Variants in BBS9 observed in about 807,000 individuals in gnomAD.
BBS9 encodes Bardet-Biedl syndrome 9.
Under a neutral mutation model 117.7 loss-of-function variants are expected in BBS9, and 89 were observed. The ratio of observed to expected loss-of-function variants is 0.76; its 90% CI spans 0.64 to 0.90. BBS9 has a LOEUF of 0.90. Ranked by LOEUF, BBS9 falls within the 40% of genes least tolerant of loss-of-function variation. BBS9 has a pLI of 0.00. For missense variants in BBS9, 982 were observed against 1,042.2 expected (o/e 0.94, Z 0.80); for synonymous variants, 379 against 370.9 (o/e 1.02, Z -0.25).
chr7:33,342,085 C>T (rs1816687468), intron 11 of BBS9, among the ~76,000 whole-genome samples: 1 of 152,012 alleles, frequency 6.6e-6, no homozygotes, highest in African/African-American at 2.4e-5. Context: ...ATTTAGGTAT[C>T]AGAACATACT....
intron 21 of BBS9, among the ~76,000 whole-genome samples, chr7:33,545,290 C>T (rs1302220675): frequency 1.3e-5 from 2 of 152,128 alleles, no homozygotes; most frequent in African/African-American, 2.4e-5. Flanking sequence ...TGGAGTTTTA[C>T]CCCCTGTTCC....
chr7:33,617,765 A>G (rs1865213261), intron 21 of BBS9, among the ~76,000 whole-genome samples: 1 of 152,228 alleles, frequency 6.6e-6, no homozygotes, highest in Admixed American at 6.6e-5. Context: ...GAAAACTTCA[A>G]GAGTGCTCCA....
At chr7:33,231,891 A>G (rs1374795884) in intron 5 of BBS9, among the ~76,000 whole-genome samples, 1 of 152,060 alleles carries the variant, frequency 6.6e-6, no homozygotes, top group Non-Finnish European at 1.5e-5. Context: ...ATTATGGGAT[A>G]AATAGAAGCA....
intron 21 of BBS9, among the ~76,000 whole-genome samples, chr7:33,601,006 A>C (rs1464532438): frequency 2.0e-5 from 3 of 152,188 alleles, no homozygotes; most frequent in Admixed American, 6.5e-5. Context: ...AGGAGGCACA[A>C]AATGATCTGG....
intron 20 of BBS9, among the ~76,000 whole-genome samples, chr7:33,526,154 C>T (rs1283569613): frequency 2.6e-5 from 4 of 151,578 alleles, no homozygotes; most frequent in East Asian, 1.9e-4. Context: ...GAGGGTAACC[C>T]GACCTTTCTC....
rs574056469 is a variant in BBS9, at chr7:33,343,969, C to T, written c.1276-612C>T. On this transcript the variant is annotated intron_variant, in intron 11 of 22. Transcript: ENST00000242067. ...ACATACAGGGAGGTCTTCTTCTATG[C>T]AATATAAATAACAAGTTAATAGAAT... Among the ~76,000 whole-genome samples, 4 of 151,140 alleles carry T rather than the reference C, an allele frequency of 2.6e-5. No homozygotes were observed. The South Asian group carries it at 6.2e-4, about 24-fold the overall frequency.
intron 2 of BBS9, among the ~76,000 whole-genome samples, chr7:33,152,267 A>G (rs776010155): frequency 1.3e-5 from 2 of 152,038 alleles, no homozygotes; most frequent in Non-Finnish European, 2.9e-5. Flanking sequence ...AAGATGAAAC[A>G]TTGCTTATCA....
chr7:33,490,643 A>G (rs1843766325), intron 19 of BBS9, among the ~76,000 whole-genome samples: 2 of 152,204 alleles, frequency 1.3e-5, no homozygotes, highest in African/African-American at 2.4e-5. Flanking sequence ...TTCATGCAGC[A>G]CCTAACACTC....
At chr7:33,303,527 C>CCT (rs1554406625) in intron 9 of BBS9, among the ~76,000 whole-genome samples, 3 of 96,066 alleles carry the variant, frequency 3.1e-5, no homozygotes, top group Non-Finnish European at 6.2e-5. Context: ...TCCCCTCCCC[C>CCT]CGCCCCTTCT....
chr7:33,181,706 A>C (rs1235685973), intron 5 of BBS9, among the ~76,000 whole-genome samples: 2 of 152,236 alleles, frequency 1.3e-5, no homozygotes, highest in African/African-American at 4.8e-5. Flanking sequence ...CGATATGTTC[A>C]CACACAGAAT....
intron 16 of BBS9, among the ~76,000 whole-genome samples, chr7:33,366,226 A>G (rs1334313330): frequency 6.6e-6 from 1 of 152,162 alleles, no homozygotes; most frequent in Non-Finnish European, 1.5e-5. Flanking sequence ...GTCTTCTGTG[A>G]AGCAGGCTGC....
intron 5 of BBS9, among the ~76,000 whole-genome samples, chr7:33,244,404 T>C (rs1041764846): frequency 6.6e-6 from 1 of 152,210 alleles, no homozygotes; most frequent in Non-Finnish European, 1.5e-5. Flanking sequence ...ATTTCTGAAT[T>C]GAACCATTTC....
At chr7:33,319,879 C>T (rs961295387) in intron 9 of BBS9, among the ~76,000 whole-genome samples, 5 of 152,114 alleles carry the variant, frequency 3.3e-5, no homozygotes, top group Admixed American at 3.3e-4. Flanking sequence ...ACCAAACTAT[C>T]CTATCAAAAA....
At chr7:33,343,560 G>A (rs914265245) in intron 11 of BBS9, among the ~76,000 whole-genome samples, 5 of 151,978 alleles carry the variant, frequency 3.3e-5, no homozygotes, top group Middle Eastern at 3.4e-3. Context: ...GTGAAGTGGC[G>A]TGATCTGGGC....
At chr7:33,412,091 TA>T (rs879936862) in intron 19 of BBS9, among the ~76,000 whole-genome samples, 3 of 152,188 alleles carry the variant, frequency 2.0e-5, no homozygotes, top group Non-Finnish European at 2.9e-5. Context: ...CACTAGTGAC[TA>T]ATAGGAACTG....
At chr7:33,271,954 C>T (rs561960295) in intron 7 of BBS9, among the ~76,000 whole-genome samples, 7 of 152,194 alleles carry the variant, frequency 4.6e-5, no homozygotes, top group Non-Finnish European at 7.4e-5. Context: ...ACTACACAAT[C>T]GGATATAAAC....
intron 21 of BBS9, among the ~76,000 whole-genome samples, chr7:33,556,655 A>T (rs576341860): frequency 6.6e-6 from 1 of 152,310 alleles, no homozygotes; most frequent in South Asian, 2.1e-4. Flanking sequence ...AGCTATTCAC[A>T]TTTGAAGACC....
At chr7:33,617,620 G>A (rs1250432092) in intron 21 of BBS9, among the ~76,000 whole-genome samples, 4 of 152,140 alleles carry the variant, frequency 2.6e-5, no homozygotes, top group Non-Finnish European at 5.9e-5. Context: ...TCAGTGAACT[G>A]CAAGAAAACA....
chr7:33,231,371 C>A (rs967931086), intron 5 of BBS9, among the ~76,000 whole-genome samples: 1 of 144,032 alleles, frequency 6.9e-6, no homozygotes, highest in Non-Finnish European at 1.5e-5. Context: ...TGTTGGTAGA[C>A]TGTATTAATT....
Sources: allele counts gnomAD v4.1 joint callset (sites outside exome capture counted in the v4.1 genomes callset), GRCh38; gene constraint gnomAD v4.1.1; transcripts MANE v1.5; gene names NCBI Gene and HGNC (gene_info 2026-07-23, HGNC 2026-07-21).